The following S100A8 variants were observed in gnomAD, a reference collection of about 807,000 sequenced individuals.
The protein encoded by S100A8 is S100 calcium binding protein A8, also known as protein S100-A8.
In S100A8, 1 loss-of-function variant was observed where a neutral mutation model predicts 4.2. The observed-to-expected ratio is 0.24, with a 90% CI of 0.08 to 1.12. S100A8 has a LOEUF of 1.12. S100A8 is among the 50% of genes most tolerant of loss of function. The pLI, the probability that S100A8 is intolerant of heterozygous loss-of-function variation, is 0.53. For missense variants in S100A8, 96 were observed against 111.8 expected, an observed-to-expected ratio of 0.86 and a Z score of 0.64; for synonymous variants, 41 against 44.7, an observed-to-expected ratio of 0.92 and a Z score of 0.33.
At position 153,390,430 on chromosome 1, in the gene S100A8, T is replaced by G; in HGVS notation, c.106A>C (p.Lys36Gln). ...TGAGGACACTCGGTCTCTAGCAATT[T>G]CTTCAGGTCATCCCTGTAGACGGCA... ...FHAVYRDDLK[K>Q]LLETECPQYI... Residue 36 changes from lysine (K) to glutamine (Q), a missense_variant, in exon 2 of 3, where the codon AAA (lysine) becomes CAA (glutamine). Coordinates refer to ENST00000368733, the MANE Select transcript of S100A8 (RefSeq NM_002964.5). 1 of 1,614,166 alleles carries G rather than the reference T, an allele frequency of 6.2e-7. No individual in the cohort carries two copies. The highest frequency in any genetic ancestry group is 8.5e-7 in the Non-Finnish European group (1 of 1,180,044).
the S100A8 span, chr1:153,422,420 G>T: frequency 1.3e-6 from 1 of 751,542 alleles, no homozygotes; most frequent in South Asian, 6.0e-5. Flanking sequence ...ACACATACTA[G>T]AGCAAGAATT....
chr1:153,407,930 C>G, the S100A8 span, among the ~76,000 whole-genome samples: 3 of 152,302 alleles, frequency 2.0e-5, no homozygotes, highest in South Asian at 4.1e-4. Flanking sequence ...GGAAAACTAA[C>G]AAACAGAAAG....
the S100A8 span, among the ~76,000 whole-genome samples, chr1:153,405,202 A>T: frequency 6.6e-6 from 1 of 151,882 alleles, no homozygotes; most frequent in Admixed American, 6.5e-5. Flanking sequence ...GGTTGAACAG[A>T]TACATTTCTC....
chr1:153,421,019 T>C, the S100A8 span: 16 of 152,202 alleles, frequency 1.1e-4, no homozygotes, highest in African/African-American at 2.7e-4. Context: ...GTCCCAAAAG[T>C]GTGGGTGCCT....
the S100A8 span, among the ~76,000 whole-genome samples, chr1:153,403,764 A>T: frequency 6.6e-5 from 10 of 152,228 alleles, no homozygotes; most frequent in African/African-American, 2.4e-4. Context: ...TTTTGACGCC[A>T]AATGTGTGGG....
the S100A8 span, chr1:153,421,106 C>T: frequency 1.3e-5 from 2 of 152,196 alleles, no homozygotes; most frequent in Non-Finnish European, 2.9e-5. Flanking sequence ...GCGCAACATA[C>T]CCCCCATCAA....
chr1:153,419,389 T>C, the S100A8 span: 2 of 1,450,262 alleles, frequency 1.4e-6, no homozygotes, highest in Non-Finnish European at 1.9e-6. Context: ...TTATTTCTTC[T>C]TCTCTTTGGT....
the S100A8 span, chr1:153,416,495 A>G: frequency 2.3e-6 from 1 of 439,170 alleles, no homozygotes; most frequent in Non-Finnish European, 4.6e-6. Flanking sequence ...TGAGCCTTAT[A>G]AAGGACTGCT....
At chr1:153,397,607 G>A in the S100A8 span, among the ~76,000 whole-genome samples, 1 of 152,146 alleles carries the variant, frequency 6.6e-6, no homozygotes, top group Admixed American at 6.5e-5. Context: ...ACTGGGCAGG[G>A]CGGGTGAGGC....
At chr1:153,391,302 G>A (rs964049567), upstream of S100A8, 2 of 630,576 alleles carry the variant, frequency 3.2e-6, no homozygotes, top group Admixed American at 1.3e-4. Context: ...GAAAAAGCAG[G>A]TAGGGGGGCT....
At chr1:153,400,415 C>T in the S100A8 span, among the ~76,000 whole-genome samples, 1 of 152,074 alleles carries the variant, frequency 6.6e-6, no homozygotes, top group Non-Finnish European at 1.5e-5. Context: ...CAGCCGGCCC[C>T]TTCTACTTGG....
chr1:153,417,226 T>A, the S100A8 span: 1 of 152,292 alleles, frequency 6.6e-6, no homozygotes, highest in Admixed American at 6.5e-5. Flanking sequence ...TTTTCAGGCT[T>A]GGGGTGCAGG....
chr1:153,399,985 T>G, the S100A8 span, among the ~76,000 whole-genome samples: 1 of 152,058 alleles, frequency 6.6e-6, no homozygotes, highest in Non-Finnish European at 1.5e-5. Flanking sequence ...CGGAAGACCC[T>G]GTGCCAAGCT....
At chr1:153,418,268 G>A in the S100A8 span, 3 of 1,603,802 alleles carry the variant, frequency 1.9e-6, no homozygotes, top group Non-Finnish European at 2.6e-6. Context: ...ACCCTGGCAT[G>A]GCTGAGGATA....
At chr1:153,418,013 T>A in the S100A8 span, 145 of 1,600,500 alleles carry the variant, frequency 9.1e-5, no homozygotes, top group South Asian at 1.5e-3. Context: ...CACCCCCACA[T>A]AGAGACCTTA....
chr1:153,398,094 A>C, the S100A8 span, among the ~76,000 whole-genome samples: 414 of 152,266 alleles, frequency 2.7e-3, 1 homozygote, highest in Admixed American at 5.6e-3. Context: ...ACTGAAGAAG[A>C]GCCTTTTCCT....
At chr1:153,405,261 G>A in the S100A8 span, among the ~76,000 whole-genome samples, 3 of 151,272 alleles carry the variant, frequency 2.0e-5, no homozygotes, top group Non-Finnish European at 4.4e-5. Flanking sequence ...TGCGGCCTCC[G>A]AGAAAGCAAC....
At chr1:153,416,564 GT>G in the S100A8 span, 1 of 484,866 alleles carries the variant, frequency 2.1e-6, no homozygotes, top group Non-Finnish European at 4.1e-6. Context: ...CCCAGTTCTG[GT>G]AAGTCTCACC....
At chr1:153,418,689 G>A in the S100A8 span, among the ~76,000 whole-genome samples, 1 of 152,170 alleles carries the variant, frequency 6.6e-6, no homozygotes, top group African/African-American at 2.4e-5. Context: ...GGTACCAAAG[G>A]GTCTAGATGA....
Sources: allele counts gnomAD v4.1 joint callset (sites outside exome capture counted in the v4.1 genomes callset), GRCh38; gene constraint gnomAD v4.1.1; transcripts MANE v1.5; gene names NCBI Gene and HGNC (gene_info 2026-07-23, HGNC 2026-07-21).